Variants in PJA2 observed in about 807,000 individuals in gnomAD.
PJA2 encodes praja ring finger ubiquitin ligase 2.
In PJA2, 25 loss-of-function variants were observed where a neutral mutation model predicts 69.3. That is an observed-to-expected ratio of 0.36 (90% confidence interval 0.26 to 0.50). PJA2 has a LOEUF of 0.50. Ranked by LOEUF, PJA2 falls within the 20% of genes least tolerant of loss-of-function variation. The pLI is 0.96. For missense variants in PJA2, 809 were observed against 830.2 expected (o/e 0.97, Z 0.31); for synonymous variants, 308 against 277.8 (o/e 1.11, Z -1.08).
At chr5:109,352,956 CT>C (rs1366093415) in intron 7 of PJA2, among the ~76,000 whole-genome samples, 11 of 79,686 alleles carry the variant, frequency 1.4e-4, no homozygotes, top group African/African-American at 4.4e-4. Flanking sequence ...CCTATTATAT[CT>C]ATAGACATCT....
intron 7 of PJA2, among the ~76,000 whole-genome samples, chr5:109,346,873 A>G (rs1242264957): frequency 2.0e-5 from 3 of 151,536 alleles, no homozygotes; most frequent in Non-Finnish European, 4.4e-5. Context: ...TTACCATAAT[A>G]AAAAAAAATG....
intron 5 of PJA2, among the ~76,000 whole-genome samples, chr5:109,366,098 CAATTGACATTT>C (rs1762581871): frequency 1.3e-5 from 2 of 152,046 alleles, no homozygotes; most frequent in African/African-American, 4.8e-5. Flanking sequence ...CATAATTATG[CAATTGACATTT>C]GGTGTACTAC....
chr5:109,361,558 A>G (rs1212785460), intron 6 of PJA2, among the ~76,000 whole-genome samples: 1 of 152,230 alleles, frequency 6.6e-6, no homozygotes, highest in African/African-American at 2.4e-5. Context: ...ACTTTGCATA[A>G]TGGAGACAGA....
intron 4 of PJA2, among the ~76,000 whole-genome samples, chr5:109,372,409 C>T (rs1383890829): frequency 6.6e-6 from 1 of 152,228 alleles, no homozygotes; most frequent in East Asian, 1.9e-4. Flanking sequence ...CTATTTCTTT[C>T]AAGACCTTCC....
At chr5:109,399,628 C>T (rs556821633) in intron 1 of PJA2, among the ~76,000 whole-genome samples, 1 of 152,184 alleles carries the variant, frequency 6.6e-6, no homozygotes, top group Non-Finnish European at 1.5e-5. Flanking sequence ...CTAGCAGATG[C>T]AGAAGCAGAC....
intron 5 of PJA2, among the ~76,000 whole-genome samples, chr5:109,364,718 G>A (rs1194761894): frequency 1.4e-5 from 2 of 142,470 alleles, no homozygotes; most frequent in Non-Finnish European, 3.2e-5. Context: ...TGAGAAACGT[G>A]AACTACAATA....
At chr5:109,349,039 G>T (rs1296213240) in intron 7 of PJA2, among the ~76,000 whole-genome samples, 1 of 152,174 alleles carries the variant, frequency 6.6e-6, no homozygotes, top group Non-Finnish European at 1.5e-5. Flanking sequence ...ACTAGCGATG[G>T]ATACAATGCC....
chr5:109,401,396 G>C (rs1028887262), intron 1 of PJA2, among the ~76,000 whole-genome samples: 1 of 152,022 alleles, frequency 6.6e-6, no homozygotes, highest in South Asian at 2.1e-4. Flanking sequence ...GAAGCTCAAG[G>C]CTATAGTGAG....
chr5:109,383,333 T>C lies in PJA2; in HGVS notation c.31+70A>G, dbSNP rs899727701. ...CACAGGTCAGATGATCATATGTCACTTACTGGTACTCAAGGTACCCAGAGG... is the reference window on the plus strand; with the variant it reads ...CACAGGTCAGATGATCATATGTCACCTACTGGTACTCAAGGTACCCAGAGG... On this transcript the variant is annotated intron_variant, in intron 2 of 9. Coordinates refer to ENST00000361189, the MANE Select transcript of PJA2 (RefSeq NM_014819.5). 5.2e-6 allele frequency: 7 copies of C among 1,341,184 alleles called. No homozygotes were observed. In the African/African-American group the frequency reaches 1.0e-4, roughly 19 times the overall value. 83.1% of individuals were successfully genotyped at this position (1,341,184 alleles called of 1,614,324 possible). A position where few individuals can be genotyped will look rare whatever the true frequency, so the allele number is the denominator to read the frequency against.
intron 1 of PJA2, among the ~76,000 whole-genome samples, chr5:109,399,164 T>C (rs1417875846): frequency 2.8e-5 from 4 of 142,220 alleles, no homozygotes; most frequent in African/African-American, 1.1e-4. Context: ...TGAGCCGAGA[T>C]CACGCTAATG....
intron 5 of PJA2, among the ~76,000 whole-genome samples, chr5:109,363,669 C>T (rs923926591): frequency 6.6e-6 from 1 of 152,162 alleles, no homozygotes; most frequent in Non-Finnish European, 1.5e-5. Flanking sequence ...TCTCCAGTTA[C>T]TGACTACCAC....
chr5:109,356,800 A>G (rs1762419834), intron 6 of PJA2, among the ~76,000 whole-genome samples: 1 of 152,068 alleles, frequency 6.6e-6, no homozygotes, highest in South Asian at 2.1e-4. Flanking sequence ...CACCTCCATT[A>G]TTATACAGCT....
chr5:109,378,218 G>C lies in PJA2; in HGVS notation c.1269C>G (p.Asp423Glu), dbSNP rs1308894828. The C allele has an allele frequency of 1.9e-6, 3 of 1,611,038 alleles. No homozygotes were observed. Among genetic ancestry groups the C allele is most frequent in the Non-Finnish European group, 2.5e-6 (3 of 1,178,120 alleles). The change falls in exon 4 of 10, where the codon GAC becomes GAG. Residue 423 changes from aspartate to glutamate, a missense_variant. By Grantham distance (45) the Asp-to-Glu change is conservative (BLOSUM62 2). This residue lies in a region of PJA2 where 700 missense variants were observed against 639.5 expected (regional missense o/e 1.09). Transcript: ENST00000361189. ...TGTGACCTTACCTATCTTCATCTTT[G>C]TCATAGAGTTGGTAATAATCTCCAC... Reference protein sequence around the residue: ...NGCGDYYQLYDKDEDSSECSD... With the variant: ...NGCGDYYQLYEKDEDSSECSD...
chr5:109,347,918 G>C (rs1762195126), intron 7 of PJA2, among the ~76,000 whole-genome samples: 1 of 152,160 alleles, frequency 6.6e-6, no homozygotes, highest in Admixed American at 6.5e-5. Flanking sequence ...TCTTGGGACT[G>C]AACTCAGACT....
At chr5:109,370,194 C>T (rs1341658597) in intron 4 of PJA2, among the ~76,000 whole-genome samples, 1 of 152,102 alleles carries the variant, frequency 6.6e-6, no homozygotes, top group African/African-American at 2.4e-5. Context: ...GTCTTAAATG[C>T]CCCCTCCAAC....
intron 1 of PJA2, among the ~76,000 whole-genome samples, chr5:109,392,060 C>A (rs1747293325): frequency 6.6e-6 from 1 of 152,122 alleles, no homozygotes; most frequent in Admixed American, 6.6e-5. Context: ...AATAAAATCC[C>A]AGCAGGCATT....
At chr5:109,374,321 T>A (rs182337215) in intron 4 of PJA2, among the ~76,000 whole-genome samples, 1 of 152,324 alleles carries the variant, frequency 6.6e-6, no homozygotes, top group East Asian at 1.9e-4. Context: ...ATAAAAAGGT[T>A]TGCTAAAATG....
chr5:109,406,439 C>T (rs1203733415), intron 1 of PJA2, among the ~76,000 whole-genome samples: 1 of 152,162 alleles, frequency 6.6e-6, no homozygotes, highest in Non-Finnish European at 1.5e-5. Flanking sequence ...CACCATTAGT[C>T]ATCTGGTAAA....
At chr5:109,356,160 T>G in intron 6 of PJA2, 134 bp from the exon 7 acceptor site, 1 of 611,066 alleles carries the variant, frequency 1.6e-6, no homozygotes, top group East Asian at 2.8e-5. Context: ...AATATTTTAA[T>G]ACCAACTTGT....
Sources: gnomAD v4.1 joint callset for allele counts (sites outside exome capture counted in the v4.1 genomes callset) on GRCh38, gnomAD v4.1.1 for gene constraint, gnomAD v4.1.1 regional missense constraint, MANE v1.5 for transcripts, NCBI Gene and HGNC (gene_info 2026-07-23, HGNC 2026-07-21) for gene names.